Variants in ABCC5 observed in about 807,000 individuals in gnomAD.
ABCC5 encodes the protein ATP-binding cassette sub-family C member 5.
In ABCC5, 61 loss-of-function variants were observed where a neutral mutation model predicts 160.9. The observed-to-expected ratio is 0.38, with a 90% CI of 0.31 to 0.47. ABCC5 has a LOEUF of 0.47. Ranked by LOEUF, ABCC5 falls within the 20% of genes least tolerant of loss-of-function variation. The pLI is 0.99. For synonymous variants in ABCC5, 666 were observed against 700.6 expected, an observed-to-expected ratio of 0.95 and a Z score of 0.78; for missense variants, 1,308 against 1,813.3, an observed-to-expected ratio of 0.72 and a Z score of 5.06.
At chr3:183,974,283 A>T (rs1718023461) in intron 10 of ABCC5, among the ~76,000 whole-genome samples, 1 of 152,162 alleles carries the variant, frequency 6.6e-6, no homozygotes, top group African/African-American at 2.4e-5. Context: ...TAAATATAAG[A>T]TGCCCAGTTA....
At position 183,953,151 on chromosome 3, in the gene ABCC5, G is replaced by T; in HGVS notation, c.2602C>A (p.Leu868Met). 6.2e-7 allele frequency: 1 copy of T among 1,614,036 alleles called. No homozygotes were observed. Among genetic ancestry groups the T allele is most frequent in the Non-Finnish European group, 8.5e-7 (1 of 1,180,014 alleles). ...AFLVIMALFM[L>M]NVGSTAFSTW... ...CTGAAGGCGGTGCTGCCTACATTCA[G>T]CATGAAAAGGGCCATAATAACCAGG... Residue 868 changes from leucine (L) to methionine (M), a missense_variant, in exon 18 of 30, where the codon CTG becomes ATG. By Grantham distance (15) the Leu-to-Met change is conservative. This residue lies in a region of ABCC5 where 1,142 missense variants were observed against 1,527.1 expected (regional missense o/e 0.75). Transcript: ENST00000334444.
At chr3:183,959,695 T>C in intron 17 of ABCC5, 38 bp downstream of exon 17, 1 of 1,453,708 alleles carries the variant, frequency 6.9e-7, no homozygotes, top group Non-Finnish European at 9.6e-7. Context: ...CTGATAAACT[T>C]TGATGACAAA....
At chr3:183,977,042 T>C (rs1442337699) in intron 10 of ABCC5, among the ~76,000 whole-genome samples, 1 of 152,244 alleles carries the variant, frequency 6.6e-6, no homozygotes, top group African/African-American at 2.4e-5. Flanking sequence ...TTTATGACTA[T>C]TTCCATGTAA....
intron 28 of ABCC5, among the ~76,000 whole-genome samples, chr3:183,927,008 A>G (rs1355854290): frequency 6.6e-6 from 1 of 151,922 alleles, no homozygotes. Context: ...TTTGGCCACT[A>G]CACTCCAGCC....
intron 25 of ABCC5, 27 bp from the exon 26 acceptor site, chr3:183,938,087 A>G (rs965560264): frequency 1.2e-6 from 2 of 1,609,358 alleles, no homozygotes; most frequent in East Asian, 4.5e-5. Context: ...CATGCAAGAG[A>G]GGAGCTGTTA....
chr3:183,984,409 A>C, intron 5 of ABCC5: 1 of 994,592 alleles, frequency 1.0e-6, no homozygotes, highest in Non-Finnish European at 1.2e-6. Context: ...AGGTGACTGC[A>C]GCTGTAAGTC....
At chr3:184,010,994 G>A (rs113300593) in intron 2 of ABCC5, among the ~76,000 whole-genome samples, 13 of 151,834 alleles carry the variant, frequency 8.6e-5, no homozygotes, top group East Asian at 3.9e-4. Flanking sequence ...CACCAGCCTC[G>A]GCCTCCCAAA....
At chr3:183,927,760 G>C (rs1332274177) in intron 27 of ABCC5, 4 of 985,434 alleles carry the variant, frequency 4.1e-6, no homozygotes, top group Non-Finnish European at 4.8e-6. Context: ...TCTTGCAATA[G>C]GAAATAGTAT....
Position 183,929,554 on chromosome 3 carries a change from C to T in ABCC5, c.3855-729G>A, listed in dbSNP as rs371485897. On this transcript the variant is annotated intron_variant, in intron 26 of 29. Transcript: ENST00000334444. ...TGTAATTGAGTATGGGGCTCCAGGA[C>T]AGCTGGCCTGACCAGGGAAAGAAAC... Among the ~76,000 whole-genome samples the T allele has an allele frequency of 3.3e-5, 5 of 152,102 alleles. No homozygotes were observed. In the East Asian group the frequency reaches 7.7e-4, roughly 23 times the overall value.
intron 25 of ABCC5, among the ~76,000 whole-genome samples, chr3:183,941,906 G>A (rs370626602): frequency 3.2e-4 from 49 of 151,894 alleles, no homozygotes; most frequent in African/African-American, 1.1e-3. Context: ...CCTGGGAGGT[G>A]GAGGTTACAG....
intron 2 of ABCC5, among the ~76,000 whole-genome samples, chr3:184,006,919 G>A (rs1264435195): frequency 1.4e-5 from 2 of 148,128 alleles, no homozygotes; most frequent in African/African-American, 5.0e-5. Context: ...TTGGTAGGAA[G>A]AAAATCCCAC....
In ABCC5 at chr3:183,949,835, G is replaced by GTGAC. The variant is rs1715176405; in HGVS notation, c.3141_3144dup (p.Pro1049ValfsTer22). Reference sequence around the variant, plus strand: ...CTGGACGTGATGTGGGAGAGGAAAGGTGACTGCGTGATATTGTCCAGACGC... The same window carrying GTGAC: ...CTGGACGTGATGTGGGAGAGGAAAGGTGACTGACTGCGTGATATTGTCCAGACGC... On this transcript the variant is annotated frameshift_variant, in exon 22 of 30. Coordinates refer to ENST00000334444, the MANE Select transcript of ABCC5 (RefSeq NM_005688.4). LOFTEE classifies it high-confidence loss of function. This position sits in a 1 kb window ranked among gnomAD's most constrained non-coding sequence, Gnocchi z 4.2. 1 of 1,614,116 alleles carries GTGAC rather than the reference G, an allele frequency of 6.2e-7. No homozygotes were observed. The highest frequency in any genetic ancestry group is 1.1e-5 in the South Asian group (1 of 91,094).
chr3:183,989,545 C>A (rs1719547604), intron 2 of ABCC5, among the ~76,000 whole-genome samples, 162 bp from the exon 3 acceptor site: 1 of 151,940 alleles, frequency 6.6e-6, no homozygotes, highest in African/African-American at 2.4e-5. Flanking sequence ...TGATTTGAAC[C>A]CATTGGGGAA....
chr3:184,004,800 G>C (rs1402842759), intron 2 of ABCC5, among the ~76,000 whole-genome samples: 2 of 152,124 alleles, frequency 1.3e-5, no homozygotes, highest in Non-Finnish European at 2.9e-5. Flanking sequence ...AGGTTGTCAA[G>C]TTAACAGGAT....
chr3:184,006,356 A>G (rs1460867150), intron 2 of ABCC5: 1 of 152,022 alleles, frequency 6.6e-6, no homozygotes, highest in Non-Finnish European at 1.5e-5. Flanking sequence ...CTGTCCAGAA[A>G]ATCTGCTGAG....
At chr3:183,953,843 A>G (rs1013633220) in intron 17 of ABCC5, among the ~76,000 whole-genome samples, 7 of 152,224 alleles carry the variant, frequency 4.6e-5, no homozygotes, top group Admixed American at 4.6e-4. Flanking sequence ...GTGCACTTAA[A>G]GAATGGCAGG....
In ABCC5 at chr3:183,963,535, A is replaced by C; in HGVS notation, c.2085T>G (p.Leu695=). ...TCCTGTCACTATACAAGGCCCGGGC[A>C]AGGCTGATCCTCTGGCGCTGCCCAC... ...LSGGQRQRIS[L]ARALYSDRSI... The change falls in exon 15 of 30, where the codon CTT becomes CTG. Residue 695 remains leucine, a synonymous_variant. Transcript: ENST00000334444. The surrounding 1 kb of genome is among the most constrained non-coding windows in gnomAD (Gnocchi z 4.6). 6.2e-7 allele frequency: 1 copy of C among 1,614,192 alleles called. No individual in the cohort carries two copies.
chr3:183,984,835 G>A (rs558104578), intron 5 of ABCC5: 5 of 1,586,536 alleles, frequency 3.2e-6, no homozygotes, highest in Admixed American at 1.7e-5. Flanking sequence ...GTAAGATGGC[G>A]GTGCAGTGAA....
rs1034442352 is a variant in ABCC5 at position 183,982,162 on chromosome 3, C to G, written c.1000-288G>C. ...AAGGGGAGGCAGGAGGGCCCTATCACTTAGCACCAACTCCAACGCAGTGAC... is the reference window on the plus strand; with the variant it reads ...AAGGGGAGGCAGGAGGGCCCTATCAGTTAGCACCAACTCCAACGCAGTGAC... On this transcript the variant is annotated intron_variant, in intron 7 of 29. Coordinates refer to ENST00000334444, the MANE Select transcript of ABCC5 (RefSeq NM_005688.4). The surrounding 1 kb of genome is among the most constrained non-coding windows in gnomAD (Gnocchi z 5.2). Among the ~76,000 whole-genome samples the G allele has an allele frequency of 1.3e-5, 2 of 152,004 alleles. No homozygotes were observed. Among genetic ancestry groups the G allele is most frequent in the Admixed American group, 6.6e-5 (1 of 15,250 alleles).
Sources: allele counts gnomAD v4.1 joint callset (sites outside exome capture counted in the v4.1 genomes callset), GRCh38; gene constraint gnomAD v4.1.1; regional missense constraint gnomAD v4.1.1; non-coding constraint Gnocchi (gnomAD v3.1); transcripts MANE v1.5; gene names NCBI Gene and HGNC (gene_info 2026-07-23, HGNC 2026-07-21).